Variants in SLC35A5 observed in about 807,000 individuals in gnomAD.
SLC35A5 encodes the protein solute carrier family 35 member A5, also known as UDP-sugar transporter protein SLC35A5.
A neutral mutation model predicts 36.3 loss-of-function variants in SLC35A5; 28 were observed. That is an observed-to-expected ratio of 0.77 (90% CI 0.57 to 1.06). The LOEUF is 1.06. Ranked by LOEUF, SLC35A5 falls within the 50% of genes least tolerant of loss-of-function variation. The pLI, the probability that SLC35A5 is intolerant of heterozygous loss-of-function variation, is 0.00. For missense variants in SLC35A5, 521 were observed against 499.3 expected (o/e 1.04, Z -0.41); for synonymous variants, 180 against 173.7 (o/e 1.04, Z -0.29).
chr3:112,571,352 A>G (rs1464305197), intron 4 of SLC35A5, among the ~76,000 whole-genome samples: 1 of 152,198 alleles, frequency 6.6e-6, no homozygotes, highest in Non-Finnish European at 1.5e-5. Flanking sequence ...ATTTCCCTTT[A>G]ATATTTTATA....
At position 112,568,568 on chromosome 3, in the gene SLC35A5, C is replaced by T. The variant is rs1308139302; in HGVS notation, c.131-603C>T. Among the ~76,000 whole-genome samples the T allele has an allele frequency of 3.9e-5, 6 of 152,284 alleles. No individual in the cohort carries two copies. In the East Asian group the frequency reaches 5.8e-4, roughly 15 times the overall value. On this transcript the variant is annotated intron_variant, in intron 2 of 6. Coordinates refer to ENST00000492406, the MANE Select transcript of SLC35A5 (RefSeq NM_017945.5). ...TTGGATGTGTCCAAGTATTTCCTCTCGGCCCTAAAGGTAGCAGAGCCCTAG... is the reference window on the plus strand; with the variant it reads ...TTGGATGTGTCCAAGTATTTCCTCTTGGCCCTAAAGGTAGCAGAGCCCTAG...
chr3:112,562,578 A>T (rs1933971134), intron 1 of SLC35A5, among the ~76,000 whole-genome samples: 1 of 152,348 alleles, frequency 6.6e-6, no homozygotes, highest in East Asian at 1.9e-4. Flanking sequence ...CCTTAGATTC[A>T]TTGATTTCTA....
In SLC35A5 at chr3:112,581,052, TA is replaced by T; in HGVS notation, c.937del (p.Thr313LeufsTer12). ...GCATTTTCAGTAGCCCTTATTTTTG[TA>T]ACTGCATTCCAGGGCCTTTCAGTGG... ...HSAFSVALIF[V>X]TAFQGLSVAF... On this transcript the variant is annotated frameshift_variant, in exon 6 of 7. Transcript: ENST00000492406. LOFTEE classifies it high-confidence loss of function. The T allele has an allele frequency of 1.2e-6, 2 of 1,614,098 alleles. No individual in the cohort carries two copies. Among genetic ancestry groups the T allele is most frequent in the South Asian group, 2.2e-5 (2 of 91,078 alleles).
chr3:112,564,887 G>A (rs903791168), intron 2 of SLC35A5, among the ~76,000 whole-genome samples: 7 of 152,224 alleles, frequency 4.6e-5, no homozygotes, highest in African/African-American at 1.7e-4. Context: ...AGTTGACACA[G>A]CACCTGTTTC....
intron 1 of SLC35A5, 50 bp from the exon 2 acceptor site, chr3:112,563,335 G>C: frequency 7.2e-7 from 1 of 1,390,138 alleles, no homozygotes; most frequent in African/African-American, 1.4e-5. Flanking sequence ...TGGTATTTGC[G>C]TTTAGGGTCT....
At chr3:112,574,563 T>C (rs905506674) in intron 5 of SLC35A5, among the ~76,000 whole-genome samples, 3 of 152,272 alleles carry the variant, frequency 2.0e-5, no homozygotes, top group Non-Finnish European at 2.9e-5. Flanking sequence ...AAAGCCAGAG[T>C]GTCCTAAGGC....
intron 5 of SLC35A5, among the ~76,000 whole-genome samples, chr3:112,577,166 A>G (rs1934713331): frequency 1.3e-5 from 2 of 152,120 alleles, no homozygotes; most frequent in Non-Finnish European, 2.9e-5. Flanking sequence ...TAAGTCTGGT[A>G]ACTACTGCAG....
At chr3:112,582,237 T>A (rs1268280914) in intron 6 of SLC35A5, among the ~76,000 whole-genome samples, 1 of 152,136 alleles carries the variant, frequency 6.6e-6, no homozygotes, top group Non-Finnish European at 1.5e-5. Flanking sequence ...ATTCTAAAGA[T>A]GAAAAAATTA....
At chr3:112,567,276 C>T (rs1934239799) in intron 2 of SLC35A5, among the ~76,000 whole-genome samples, 1 of 151,732 alleles carries the variant, frequency 6.6e-6, no homozygotes. Context: ...ACACTAAAGC[C>T]AAAGGAAATG....
At chr3:112,563,939 A>T (rs1934071308) in intron 2 of SLC35A5, among the ~76,000 whole-genome samples, 1 of 152,250 alleles carries the variant, frequency 6.6e-6, no homozygotes, top group Non-Finnish European at 1.5e-5. Flanking sequence ...TCAGCATTAT[A>T]TTGTGCGGTC....
upstream of SLC35A5, chr3:112,561,710 C>A: frequency 3.2e-6 from 2 of 623,186 alleles, no homozygotes; most frequent in South Asian, 4.1e-5. Context: ...GCGGCAGGCA[C>A]AGCGCGCGAA....
chr3:112,579,653 C>A, intron 5 of SLC35A5, among the ~76,000 whole-genome samples: 1 of 152,080 alleles, frequency 6.6e-6, no homozygotes, highest in African/African-American at 2.4e-5. Context: ...CTCTTTGAAG[C>A]AATACCTGAC....
chr3:112,563,518 T>A lies in SLC35A5; in HGVS notation c.115T>A (p.Tyr39Asn), dbSNP rs776021911. The A allele has an allele frequency of 4.0e-5, 64 of 1,603,060 alleles. No homozygotes were observed. The highest frequency in any genetic ancestry group is 5.1e-5 in the Non-Finnish European group (60 of 1,171,774). Residue 39 changes from tyrosine (Y) to asparagine (N), a missense_variant, in exon 2 of 7, where the codon TAT becomes AAT. Transcript: ENST00000492406. ...CTCAAGTCGCATCTTACTAGTGAAG[T>A]ATTCTGCCAATGAAGGTAAGTTAAG... ...LSSSRILLVK[Y>N]SANEENKYDY...
chr3:112,562,013 A>T (rs1933917911), upstream of SLC35A5: 1 of 170,718 alleles, frequency 5.9e-6, no homozygotes, highest in African/African-American at 2.4e-5. Context: ...GGGCGGGATA[A>T]GCCGCTTCTC....
At chr3:112,573,391 T>C (rs1934534326) in intron 4 of SLC35A5, among the ~76,000 whole-genome samples, 1 of 152,226 alleles carries the variant, frequency 6.6e-6, no homozygotes, top group African/African-American at 2.4e-5. Flanking sequence ...TGCGCAGGGC[T>C]GTCAAGTATG....
At chr3:112,577,092 G>A (rs369283085) in intron 5 of SLC35A5, among the ~76,000 whole-genome samples, 50 of 145,544 alleles carry the variant, frequency 3.4e-4, no homozygotes, top group Non-Finnish European at 3.8e-4. Context: ...AATTTTTTAA[G>A]AAAAAAAAAA....
intron 5 of SLC35A5, among the ~76,000 whole-genome samples, chr3:112,580,198 G>A (rs1934841376): frequency 6.6e-6 from 1 of 152,164 alleles, no homozygotes; most frequent in Admixed American, 6.5e-5. Context: ...ACCAGGTTGA[G>A]AATCTCTGCT....
chr3:112,563,675 A>T, intron 2 of SLC35A5, 142 bp downstream of exon 2: 1 of 933,936 alleles, frequency 1.1e-6, no homozygotes, highest in Non-Finnish European at 1.4e-6. Flanking sequence ...AAATTTGATT[A>T]TTTAACCTTG....
upstream of SLC35A5, chr3:112,561,534 G>A (rs1182993167): frequency 9.9e-6 from 16 of 1,608,118 alleles, no homozygotes; most frequent in Non-Finnish European, 1.4e-5. Flanking sequence ...TGCATCCTGG[G>A]GCCGGAGTAG....
Sources: allele counts gnomAD v4.1 joint callset (sites outside exome capture counted in the v4.1 genomes callset), GRCh38; gene constraint gnomAD v4.1.1; transcripts MANE v1.5; gene names NCBI Gene and HGNC (gene_info 2026-07-23, HGNC 2026-07-21).